Variants in FBXL14 observed in about 807,000 individuals in gnomAD.
The protein encoded by FBXL14 is F-box and leucine rich repeat protein 14.
In FBXL14, 11 loss-of-function variants were observed where a neutral mutation model predicts 24.5. The ratio of observed to expected loss-of-function variants is 0.45; its 90% confidence interval spans 0.28 to 0.74. The LOEUF (loss-of-function observed/expected upper bound fraction) is 0.74. Ranked by LOEUF, FBXL14 falls within the 30% of genes least tolerant of loss-of-function variation. FBXL14 has a pLI of 0.12. For synonymous variants in FBXL14, 294 were observed against 240.4 expected (o/e 1.22, Z -2.06); for missense variants, 384 against 545.6 (o/e 0.70, Z 2.95).
At chr12:1,591,346 T>TG (rs1491300433) in intron 1 of FBXL14, among the ~76,000 whole-genome samples, 17 of 72,316 alleles carry the variant, frequency 2.4e-4, no homozygotes, top group Non-Finnish European at 3.9e-4. Flanking sequence ...ACAAGGCTGT[T>TG]GTTTTTTTTT....
rs1208647833 is a variant in FBXL14, at chr12:1,594,400, C to A, written c.-334G>T. On this transcript the variant is annotated 5_prime_UTR_variant, in exon 1 of 2. Transcript: ENST00000339235. ...GCCGCCGCCTCGGCTCTACCCACGC[C>A]GCGCCCGGGCCGCGCCGCTCCGCCC... 6.9e-6 allele frequency among the ~76,000 whole-genome samples: 1 copy of A among 145,392 alleles called. No individual in the cohort carries two copies. Among genetic ancestry groups the A allele is most frequent in the Non-Finnish European group, 1.5e-5 (1 of 65,476 alleles).
At chr12:1,570,420 G>A (rs1232830647) in intron 1 of FBXL14, among the ~76,000 whole-genome samples, 1 of 152,166 alleles carries the variant, frequency 6.6e-6, no homozygotes, top group South Asian at 2.1e-4. Flanking sequence ...ACCGGGGTGG[G>A]CAAGAGGGCT....
At chr12:1,583,920 G>T (rs754474608) in intron 1 of FBXL14, among the ~76,000 whole-genome samples, 1 of 152,240 alleles carries the variant, frequency 6.6e-6, no homozygotes, top group South Asian at 2.1e-4. Context: ...TGTGTAAGAG[G>T]GTTTTTTGTT....
At chr12:1,582,214 GAAGAAAGAAAAAGAGAAAGA>G (rs2094467895) in intron 1 of FBXL14, among the ~76,000 whole-genome samples, 1 of 150,554 alleles carries the variant, frequency 6.6e-6, no homozygotes, top group South Asian at 2.1e-4. Flanking sequence ...GAAAGAGAAA[GAAGAAAGAAAAAGAGAAAGA>G]AAGAAAGAAA....
In FBXL14 at chr12:1,567,879, A is replaced by ACGCACACGCG. The variant is rs1321572003; in HGVS notation, c.1195-1079_1195-1070dup. Among the ~76,000 whole-genome samples, 1 of 152,236 alleles carries ACGCACACGCG rather than the reference A, an allele frequency of 6.6e-6. No homozygotes were observed. The highest frequency in any genetic ancestry group is 3.2e-3 in the Middle Eastern group (1 of 316). On this transcript the variant is annotated intron_variant, in intron 1 of 1. Coordinates refer to ENST00000339235, the MANE Select transcript of FBXL14 (RefSeq NM_152441.3). This position sits in a 1 kb window ranked among gnomAD's most constrained non-coding sequence, Gnocchi z 4.8. Reference sequence around the variant, plus strand: ...AAAAGGGAAAAGAAAACCCACCCACACGCACACGCGCGCACACACGTGCGC... The same window carrying ACGCACACGCG: ...AAAAGGGAAAAGAAAACCCACCCACACGCACACGCGCGCACACGCGCGCACACACGTGCGC...
intron 1 of FBXL14, among the ~76,000 whole-genome samples, chr12:1,571,125 A>G (rs1405733856): frequency 6.6e-6 from 1 of 152,212 alleles, no homozygotes. Flanking sequence ...TACTTTATAC[A>G]TATACTCATG....
intron 1 of FBXL14, among the ~76,000 whole-genome samples, chr12:1,588,425 TC>T (rs2094481330): frequency 6.6e-6 from 1 of 152,228 alleles, no homozygotes; most frequent in South Asian, 2.1e-4. Flanking sequence ...CTTTTTTACA[TC>T]TTTGTTGTTC....
At position 1,566,217 on chromosome 12, in the gene FBXL14, AC is replaced by A. The variant is rs1260864243; in HGVS notation, c.*530del. On this transcript the variant is annotated 3_prime_UTR_variant, in exon 2 of 2. Coordinates refer to ENST00000339235, the MANE Select transcript of FBXL14 (RefSeq NM_152441.3). ...AGACATTCCTCTATCTCATGGGGAA[AC>A]TGCTAGGCAGGTCATCCAGATGTAT... is the stretch of plus-strand genomic sequence containing the variant. 1 of 152,594 alleles carries A rather than the reference AC, an allele frequency of 6.6e-6. No individual in the cohort carries two copies. The highest frequency in any genetic ancestry group is 1.9e-4 in the East Asian group (1 of 5,200). The allele number at this position is 152,594 out of a possible 1,614,324, so 9.5% of individuals were successfully genotyped here.
chr12:1,577,983 G>C (rs547396673), intron 1 of FBXL14, among the ~76,000 whole-genome samples: 1 of 152,318 alleles, frequency 6.6e-6, no homozygotes, highest in Admixed American at 6.5e-5. Context: ...GGGAGAAGCT[G>C]ATACTTCTTT....
chr12:1,586,550 C>T (rs528616556), intron 1 of FBXL14, among the ~76,000 whole-genome samples: 6 of 152,062 alleles, frequency 3.9e-5, no homozygotes, highest in Non-Finnish European at 8.8e-5. Flanking sequence ...CTTTGCAGTG[C>T]CCCTGTGAGC....
intron 1 of FBXL14, among the ~76,000 whole-genome samples, chr12:1,576,563 G>A (rs1257578043): frequency 2.0e-5 from 3 of 152,118 alleles, no homozygotes; most frequent in Non-Finnish European, 4.4e-5. Flanking sequence ...AGAATCTGAA[G>A]CCCAGCTCTG....
chr12:1,573,371 T>G (rs10848524), intron 1 of FBXL14, among the ~76,000 whole-genome samples: 1 of 152,026 alleles, frequency 6.6e-6, no homozygotes, highest in Non-Finnish European at 1.5e-5. Flanking sequence ...AGGCTGGAAC[T>G]AAGGTCTGTT....
At chr12:1,566,989 G>C (rs763706649) in intron 1 of FBXL14, among the ~76,000 whole-genome samples, 179 bp from the exon 2 acceptor site, 185 of 152,118 alleles carry the variant, frequency 1.2e-3, no homozygotes, top group Non-Finnish European at 2.4e-3. Flanking sequence ...AGGTGGGGGC[G>C]GGAGGGAGGA....
intron 1 of FBXL14, among the ~76,000 whole-genome samples, chr12:1,570,346 G>A (rs1375014644): frequency 1.3e-5 from 2 of 152,192 alleles, no homozygotes; most frequent in African/African-American, 2.4e-5. Flanking sequence ...CTTATACAAC[G>A]GCTCCTGCCT....
intron 1 of FBXL14, among the ~76,000 whole-genome samples, chr12:1,568,774 T>C (rs1426034935): frequency 2.0e-5 from 3 of 152,108 alleles, no homozygotes; most frequent in Admixed American, 1.3e-4. Flanking sequence ...GGCAAGAGAA[T>C]CACTTGAACC....
At chr12:1,570,490 A>G (rs1483175286) in intron 1 of FBXL14, among the ~76,000 whole-genome samples, 1 of 152,054 alleles carries the variant, frequency 6.6e-6, no homozygotes, top group East Asian at 1.9e-4. Context: ...TGAAGGGTGA[A>G]GGTGGGAAAT....
rs2094435714 is a variant in FBXL14 at position 1,566,018 on chromosome 12, A to G, written c.*730T>C. On this transcript the variant is annotated 3_prime_UTR_variant, in exon 2 of 2. Transcript: ENST00000339235. ...TGGAATCTATAAAGGGAAGACAGAT[A>G]TATTCTACATTGTTCCCATTAAAAT... 6.6e-6 allele frequency: 1 copy of G among 152,670 alleles called. No individual in the cohort carries two copies. Among genetic ancestry groups the G allele is most frequent in the East Asian group, 1.9e-4 (1 of 5,204 alleles). The allele number at this position is 152,670 out of a possible 1,614,324, so 9.5% of individuals were successfully genotyped here. A position where few individuals can be genotyped will look rare whatever the true frequency, so the allele number is the denominator to read the frequency against.
chr12:1,575,458 G>A (rs1565583676), intron 1 of FBXL14, among the ~76,000 whole-genome samples: 2 of 152,060 alleles, frequency 1.3e-5, no homozygotes, highest in Non-Finnish European at 2.9e-5. Flanking sequence ...GGGGTTAATG[G>A]TTCCTTGAGC....
At chr12:1,570,440 A>G (rs2094443513) in intron 1 of FBXL14, among the ~76,000 whole-genome samples, 1 of 152,146 alleles carries the variant, frequency 6.6e-6, no homozygotes, top group South Asian at 2.1e-4. Flanking sequence ...TCCGCAAAAA[A>G]AGTGCAGGAG....
Sources: gnomAD v4.1 joint callset for allele counts (sites outside exome capture counted in the v4.1 genomes callset) on GRCh38, gnomAD v4.1.1 for gene constraint, Gnocchi (gnomAD v3.1) non-coding constraint, MANE v1.5 for transcripts, NCBI Gene and HGNC (gene_info 2026-07-23, HGNC 2026-07-21) for gene names.